AGAP1: variants seen among roughly 807,000 people sequenced by gnomAD.
AGAP1 encodes arf-GAP with GTPase, ANK repeat and PH domain-containing protein 1.
Under a neutral mutation model 105.3 loss-of-function variants are expected in AGAP1, and 29 were observed. The observed-to-expected ratio is 0.28, with a 90% CI of 0.21 to 0.38. The LOEUF is 0.38. Ranked by LOEUF, AGAP1 falls within the 10% of genes least tolerant of loss-of-function variation. The probability of loss-of-function intolerance (pLI) is 1.00; values close to 1 mark genes in which losing one functional copy is unlikely to be tolerated. For synonymous variants in AGAP1, 509 were observed against 485.9 expected (o/e 1.05, Z -0.63); for missense variants, 998 against 1,165.1 (o/e 0.86, Z 2.09).
At chr2:235,672,882 G>C (rs954737368) in intron 1 of AGAP1, among the ~76,000 whole-genome samples, 2 of 152,206 alleles carry the variant, frequency 1.3e-5, no homozygotes, top group Non-Finnish European at 2.9e-5. Context: ...GGTGTGAAGT[G>C]TGTTGGAATG....
rs561265858 is a variant in AGAP1 at position 235,993,000 on chromosome 2, T to TA, written c.1645+24378dup. 1.5e-3 allele frequency among the ~76,000 whole-genome samples: 227 copies of TA among 152,326 alleles called. 1 individual carries two copies. Among genetic ancestry groups the TA allele is most frequent in the African/African-American group, 5.3e-3 (222 of 41,582 alleles). ...CGTGTCTGCCTTTCATGAAAGATAG[T>TA]AGCAAAAGTTATTGTTATACGTTAC... On this transcript the variant is annotated intron_variant, in intron 13 of 17. Transcript: ENST00000304032. The surrounding 1 kb of genome is among the most constrained non-coding windows in gnomAD (Gnocchi z 4.8).
chr2:235,619,972 G>A (rs954637214), intron 1 of AGAP1, among the ~76,000 whole-genome samples: 1 of 152,158 alleles, frequency 6.6e-6, no homozygotes, highest in Non-Finnish European at 1.5e-5. Flanking sequence ...GTTCTTGGTG[G>A]CATGGCTGTC....
chr2:235,890,876 T>C (rs1392933271), intron 10 of AGAP1, among the ~76,000 whole-genome samples: 1 of 147,480 alleles, frequency 6.8e-6, no homozygotes, highest in Non-Finnish European at 1.5e-5. Context: ...ATGGAGTTAG[T>C]TGGATTTCTA....
intron 1 of AGAP1, among the ~76,000 whole-genome samples, chr2:235,603,065 A>G (rs1450119550): frequency 1.3e-5 from 2 of 152,138 alleles, no homozygotes; most frequent in Non-Finnish European, 2.9e-5. Flanking sequence ...ATCTTGAATT[A>G]TAGCTCCCAT....
intron 6 of AGAP1, among the ~76,000 whole-genome samples, chr2:235,768,426 T>C (rs1955152488): frequency 6.6e-6 from 1 of 152,220 alleles, no homozygotes; most frequent in Non-Finnish European, 1.5e-5. Flanking sequence ...TTTACTACTT[T>C]CAGTATATAG....
At chr2:236,048,726 T>C (rs1170891319) in intron 15 of AGAP1, among the ~76,000 whole-genome samples, 1 of 152,194 alleles carries the variant, frequency 6.6e-6, no homozygotes, top group African/African-American at 2.4e-5. Context: ...ACGTGCTTTT[T>C]CCCACACAGG....
intron 12 of AGAP1, among the ~76,000 whole-genome samples, chr2:235,948,699 G>A (rs1480552383): frequency 2.6e-5 from 4 of 152,220 alleles, no homozygotes; most frequent in African/African-American, 2.4e-5. Context: ...GGGCAGAGGC[G>A]GGTGTTTGAG....
chr2:235,962,804 T>C lies in AGAP1; in HGVS notation c.1484-5658T>C, dbSNP rs2054245914. ...TATTGATATTTTAGGTATTTGAGAC[T>C]GTTCTTTGTGGCAGGGGCTGTCCTG... On this transcript the variant is annotated intron_variant, in intron 12 of 17. Coordinates refer to ENST00000304032, the MANE Select transcript of AGAP1 (RefSeq NM_001037131.3). This position sits in a 1 kb window ranked among gnomAD's most constrained non-coding sequence, Gnocchi z 5.3. Among the ~76,000 whole-genome samples the C allele has an allele frequency of 6.6e-6, 1 of 152,184 alleles. No individual in the cohort carries two copies. Among genetic ancestry groups the C allele is most frequent in the Non-Finnish European group, 1.5e-5 (1 of 68,040 alleles).
intron 1 of AGAP1, among the ~76,000 whole-genome samples, chr2:235,638,548 A>G (rs553241468): frequency 9.2e-5 from 14 of 152,394 alleles, no homozygotes; most frequent in Non-Finnish European, 1.6e-4. Context: ...TAGGTCACAT[A>G]TAAGCTCAGT....
chr2:235,768,522 T>G (rs1029410431), intron 6 of AGAP1, among the ~76,000 whole-genome samples: 10 of 152,238 alleles, frequency 6.6e-5, no homozygotes, highest in African/African-American at 2.4e-4. Flanking sequence ...ACATTCCCCT[T>G]AGGAGGGTAG....
chr2:235,849,520 T>C (rs1247308128), intron 9 of AGAP1, among the ~76,000 whole-genome samples: 1 of 152,052 alleles, frequency 6.6e-6, no homozygotes, highest in African/African-American at 2.4e-5. Flanking sequence ...ACATCACAGT[T>C]TGAGAGCAGG....
intron 1 of AGAP1, among the ~76,000 whole-genome samples, chr2:235,502,071 G>T (rs570908490): frequency 6.6e-6 from 1 of 152,128 alleles, no homozygotes; most frequent in African/African-American, 2.4e-5. Flanking sequence ...CTGAGGGGCT[G>T]AGGGGGATTT....
At chr2:235,539,813 GA>G (rs1359783501) in intron 1 of AGAP1, among the ~76,000 whole-genome samples, 1 of 152,216 alleles carries the variant, frequency 6.6e-6, no homozygotes, top group African/African-American at 2.4e-5. Flanking sequence ...ACGAGAGACA[GA>G]AAGGATAGGA....
chr2:235,670,906 C>T (rs1948375654), intron 1 of AGAP1: 8 of 1,341,940 alleles, frequency 6.0e-6, no homozygotes, highest in Non-Finnish European at 7.6e-6. Context: ...GCTTCTTCAG[C>T]GGCATCTTCG....
chr2:236,049,000 C>A (rs189448618), intron 15 of AGAP1, 59 bp from the exon 16 acceptor site: 2 of 1,478,694 alleles, frequency 1.4e-6, no homozygotes, highest in Non-Finnish European at 1.9e-6. Flanking sequence ...TTTCTAAGAA[C>A]GGTTGGAATG....
At chr2:235,937,643 T>C (rs558204745) in intron 12 of AGAP1, among the ~76,000 whole-genome samples, 13 of 152,232 alleles carry the variant, frequency 8.5e-5, no homozygotes, top group Admixed American at 1.3e-4. Context: ...GGACCAGACC[T>C]CTTGGCCCTC....
Position 235,494,602 on chromosome 2 carries a change from C to A in AGAP1, c.-85C>A, listed in dbSNP as rs1215699685. 3 of 601,262 alleles carry A rather than the reference C, an allele frequency of 5.0e-6. No homozygotes were observed. Among genetic ancestry groups the A allele is most frequent in the Non-Finnish European group, 6.2e-6 (3 of 485,128 alleles). The allele number at this position is 601,262 out of a possible 1,614,324, so 37.2% of individuals were successfully genotyped here. ...GGGCCCGGCTCCCCGGGGGCTGCGG[C>A]GCCCCGGGCTCGGCGGCCCGCGGGC... On this transcript the variant is annotated 5_prime_UTR_variant, in exon 1 of 18. Transcript: ENST00000304032.
At chr2:235,667,129 T>A (rs1320575432) in intron 1 of AGAP1, among the ~76,000 whole-genome samples, 1 of 152,204 alleles carries the variant, frequency 6.6e-6, no homozygotes, top group Admixed American at 6.5e-5. Context: ...TGTAGCTGTC[T>A]CTGGGATTAT....
Position 235,714,977 on chromosome 2 carries a change from T to C in AGAP1, c.223-2580T>C, listed in dbSNP as rs935769704. Among the ~76,000 whole-genome samples, 1 of 152,066 alleles carries C rather than the reference T, an allele frequency of 6.6e-6. No homozygotes were observed. The highest frequency in any genetic ancestry group is 1.5e-5 in the Non-Finnish European group (1 of 68,026). On this transcript the variant is annotated intron_variant, in intron 2 of 17. Coordinates refer to ENST00000304032, the MANE Select transcript of AGAP1 (RefSeq NM_001037131.3). This position sits in a 1 kb window ranked among gnomAD's most constrained non-coding sequence, Gnocchi z 4.1. ...CACGCCTTGTTATTTTTTTGTAGTT[T>C]TAGTAGAGATGGGATTTCACCGTGT... is the stretch of plus-strand genomic sequence containing the variant.
Sources: gnomAD v4.1 joint callset for allele counts (sites outside exome capture counted in the v4.1 genomes callset) on GRCh38, gnomAD v4.1.1 for gene constraint, Gnocchi (gnomAD v3.1) non-coding constraint, MANE v1.5 for transcripts, NCBI Gene and HGNC (gene_info 2026-07-23, HGNC 2026-07-21) for gene names.